The following IFT74 variants were observed in gnomAD, a reference collection of about 807,000 sequenced individuals.
IFT74 encodes the protein intraflagellar transport protein 74 homolog.
Under a neutral mutation model 96.7 loss-of-function variants are expected in IFT74, and 92 were observed. That is an observed-to-expected ratio of 0.95 (90% CI 0.80 to 1.13). The LOEUF (loss-of-function observed/expected upper bound fraction) is 1.13, where lower values mean the gene tolerates loss of function less well. IFT74 is among the 50% of genes most tolerant of loss of function. The pLI, the probability that IFT74 is intolerant of heterozygous loss-of-function variation, is 0.00. For synonymous variants in IFT74, 223 were observed against 213.2 expected, an observed-to-expected ratio of 1.05 and a Z score of -0.40; for missense variants, 811 against 698.2, an observed-to-expected ratio of 1.16 and a Z score of -1.82.
chr9:26,951,253 G>C (rs1265744696), intron 1 of IFT74, among the ~76,000 whole-genome samples: 1 of 152,180 alleles, frequency 6.6e-6, no homozygotes, highest in Non-Finnish European at 1.5e-5. Flanking sequence ...AGATTATACA[G>C]GAATGAAGTT....
chr9:26,965,242 A>G (rs1407224417), intron 2 of IFT74, among the ~76,000 whole-genome samples: 1 of 152,212 alleles, frequency 6.6e-6, no homozygotes, highest in South Asian at 2.1e-4. Flanking sequence ...AAAAATGTCC[A>G]TAAATTTATC....
At chr9:26,975,303 G>A (rs1462102928) in intron 2 of IFT74, among the ~76,000 whole-genome samples, 1 of 152,136 alleles carries the variant, frequency 6.6e-6, no homozygotes, top group Non-Finnish European at 1.5e-5. Flanking sequence ...AAGGAGGACA[G>A]GTTCTTGCCT....
chr9:27,007,054 G>A (rs1001467651), intron 8 of IFT74, among the ~76,000 whole-genome samples: 1 of 151,814 alleles, frequency 6.6e-6, no homozygotes, highest in Non-Finnish European at 1.5e-5. Flanking sequence ...AGCAAGGATG[G>A]TCTCGATCTC....
intron 10 of IFT74, among the ~76,000 whole-genome samples, chr9:27,013,033 G>A (rs1829180926): frequency 6.6e-6 from 1 of 152,050 alleles, no homozygotes; most frequent in Admixed American, 6.6e-5. Flanking sequence ...TCTGTTTTGT[G>A]TCCTTCTTTC....
intron 1 of IFT74, among the ~76,000 whole-genome samples, chr9:26,951,179 A>G (rs1021241959): frequency 3.9e-5 from 6 of 152,356 alleles, no homozygotes; most frequent in African/African-American, 7.2e-5. Context: ...TATGTTCTCA[A>G]TATGATGTTT....
In IFT74 at chr9:27,062,699, C is replaced by G; in HGVS notation, c.1766C>G (p.Thr589Ser). The G allele has an allele frequency of 1.2e-6, 2 of 1,604,954 alleles. No individual in the cohort carries two copies. Among genetic ancestry groups the G allele is most frequent in the Non-Finnish European group, 1.7e-6 (2 of 1,174,576 alleles). The part of the protein sequence containing the change: ...VTKQIAEYNK[T>S]IVDALHSTSG... The stretch of plus-strand genomic sequence containing the variant: ...AAGCAGATTGCAGAGTACAATAAAA[C>G]CATCGTGGATGCTTTACATAGCACC... Residue 589 changes from threonine (T) to serine (S), a missense_variant, in exon 20 of 20, where the codon ACC (threonine) becomes AGC (serine). Coordinates refer to ENST00000380062, the MANE Select transcript of IFT74 (RefSeq NM_025103.4).
At position 27,024,352 on chromosome 9, in the gene IFT74, C is replaced by T. The variant is rs546734153; in HGVS notation, c.975-4673C>T. Among the ~76,000 whole-genome samples the T allele has an allele frequency of 2.6e-5, 4 of 152,314 alleles. No individual in the cohort carries two copies. In the South Asian group the frequency reaches 8.3e-4, roughly 32 times the overall value. On this transcript the variant is annotated intron_variant, in intron 12 of 19. Transcript: ENST00000380062. ...ATCACTTCGCAGGACTCTTCGCAGA[C>T]CCTCCCAAGTACAAGCCCAGAGCCC... is the stretch of plus-strand genomic sequence containing the variant.
chr9:27,062,678 A>G lies in IFT74; in HGVS notation c.1745A>G (p.Gln582Arg). The G allele has an allele frequency of 1.9e-6, 3 of 1,610,758 alleles. No individual in the cohort carries two copies. Among genetic ancestry groups the G allele is most frequent in the Non-Finnish European group, 2.5e-6 (3 of 1,178,490 alleles). Residue 582 changes from glutamine (Q) to arginine (R), a missense_variant, in exon 20 of 20, where the codon CAG becomes CGG. Gln to Arg is a conservative substitution (Grantham distance 43, BLOSUM62 1). Coordinates refer to ENST00000380062, the MANE Select transcript of IFT74 (RefSeq NM_025103.4). Reference sequence around the variant, plus strand: ...CCAATTAAGAAAAATGTGACCAAGCAGATTGCAGAGTACAATAAAACCATC... The same window carrying G: ...CCAATTAAGAAAAATGTGACCAAGCGGATTGCAGAGTACAATAAAACCATC... The part of the protein sequence containing the change: ...YQPIKKNVTK[Q>R]IAEYNKTIVD...
At position 27,009,192 on chromosome 9, in the gene IFT74, A is replaced by G. The variant is rs937741996; in HGVS notation, c.726+34A>G. Reference sequence around the variant, plus strand: ...AATTACTGCTGTGTGCCAAGCATGTATCATTCTTGCTACTAAAAGTATAGT... The same window carrying G: ...AATTACTGCTGTGTGCCAAGCATGTGTCATTCTTGCTACTAAAAGTATAGT... On this transcript the variant is annotated intron_variant, in intron 9 of 19. Transcript: ENST00000380062. 6 of 1,578,008 alleles carry G rather than the reference A, an allele frequency of 3.8e-6. No homozygotes were observed. In the African/African-American group the frequency reaches 8.1e-5, roughly 21 times the overall value.
rs764006816 is a variant in IFT74, at chr9:26,978,133, A to C, written c.126A>C (p.Pro42=). The C allele has an allele frequency of 1.9e-6, 3 of 1,593,846 alleles. No homozygotes were observed. Among genetic ancestry groups the C allele is most frequent in the Non-Finnish European group, 2.6e-6 (3 of 1,175,314 alleles). ...SGNIRVATAM[P]PGTARPGSRG... ...AAATCTTGTTTGTCATTTAGATGCCACCTGGGACAGCAAGACCAGGTTCTC... is the reference window on the plus strand; with the variant it reads ...AAATCTTGTTTGTCATTTAGATGCCCCCTGGGACAGCAAGACCAGGTTCTC... The change falls in exon 3 of 20, where the codon CCA becomes CCC. Residue 42 remains proline, a synonymous_variant. Coordinates refer to ENST00000380062, the MANE Select transcript of IFT74 (RefSeq NM_025103.4).
At chr9:27,050,610 T>C (rs1422951601) in intron 16 of IFT74, among the ~76,000 whole-genome samples, 2 of 152,054 alleles carry the variant, frequency 1.3e-5, no homozygotes, top group Admixed American at 6.6e-5. Flanking sequence ...GTTAGTGAGA[T>C]AGTGAGAAAT....
At chr9:27,043,885 T>C (rs570241318) in intron 13 of IFT74, among the ~76,000 whole-genome samples, 1 of 152,316 alleles carries the variant, frequency 6.6e-6, no homozygotes, top group South Asian at 2.1e-4. Context: ...TCCTGACAAC[T>C]TTCTAACTGG....
chr9:27,023,176 C>G (rs1296431838), intron 12 of IFT74, among the ~76,000 whole-genome samples: 1 of 152,086 alleles, frequency 6.6e-6, no homozygotes, highest in Non-Finnish European at 1.5e-5. Context: ...ATTGCTCTAG[C>G]TAGGACTTCT....
chr9:27,028,947 A>G, intron 12 of IFT74, 78 bp from the exon 13 acceptor site: 1 of 1,302,418 alleles, frequency 7.7e-7, no homozygotes, highest in Non-Finnish European at 1.1e-6. Flanking sequence ...CTTGGAAAAG[A>G]TATCTAACCT....
intron 7 of IFT74, among the ~76,000 whole-genome samples, chr9:26,989,908 A>G (rs1366872587): frequency 1.3e-5 from 2 of 152,198 alleles, no homozygotes; most frequent in Admixed American, 1.3e-4. Flanking sequence ...CTGAAGAACA[A>G]TGAATATTTT....
At chr9:27,017,082 G>A (rs1829382276) in intron 11 of IFT74, 32 bp downstream of exon 11, 2 of 1,575,816 alleles carry the variant, frequency 1.3e-6, no homozygotes, top group African/African-American at 2.7e-5. Flanking sequence ...ATTTTAAGAT[G>A]TCTGGTTTTG....
chr9:26,982,686 C>T (rs1311944245), intron 4 of IFT74, among the ~76,000 whole-genome samples: 1 of 152,046 alleles, frequency 6.6e-6, no homozygotes, highest in Non-Finnish European at 1.5e-5. Flanking sequence ...AACTCCCAAC[C>T]TCAGGTGATC....
At chr9:27,010,850 T>C (rs540070150) in intron 9 of IFT74, among the ~76,000 whole-genome samples, 1 of 152,308 alleles carries the variant, frequency 6.6e-6, no homozygotes, top group Admixed American at 6.5e-5. Flanking sequence ...TGAGGGCATA[T>C]TGAGAATCCT....
At position 27,063,359 on chromosome 9, in the gene IFT74, G is replaced by A. The variant is rs1484125476; in HGVS notation, c.*623G>A. The stretch of plus-strand genomic sequence containing the variant: ...ATACCTGGAAGAACATTAGGTAAAA[G>A]ACTACATTTATAGTGGGCTGTTTTG... On this transcript the variant is annotated 3_prime_UTR_variant, in exon 20 of 20. Coordinates refer to ENST00000380062, the MANE Select transcript of IFT74 (RefSeq NM_025103.4). 6.6e-6 allele frequency among the ~76,000 whole-genome samples: 1 copy of A among 152,088 alleles called. No homozygotes were observed. The highest frequency in any genetic ancestry group is 1.5e-5 in the Non-Finnish European group (1 of 67,988).
Sources: gnomAD v4.1 joint callset for allele counts (sites outside exome capture counted in the v4.1 genomes callset) on GRCh38, gnomAD v4.1.1 for gene constraint, MANE v1.5 for transcripts, NCBI Gene and HGNC (gene_info 2026-07-23, HGNC 2026-07-21) for gene names.